The following CCPG1 variants were observed in gnomAD, a reference collection of about 807,000 sequenced individuals.
CCPG1 encodes the protein cell cycle progression 1.
CCPG1 carries 46 observed loss-of-function variants against 81.3 expected under a neutral mutation model. The ratio of observed to expected loss-of-function variants is 0.57; its 90% CI spans 0.45 to 0.72. The LOEUF (loss-of-function observed/expected upper bound fraction) is 0.72, where lower values mean the gene tolerates loss of function less well. Ranked by LOEUF, CCPG1 falls within the 30% of genes least tolerant of loss-of-function variation. CCPG1 has a pLI of 0.00. For missense variants in CCPG1, 902 were observed against 937.6 expected (o/e 0.96, Z 0.50); for synonymous variants, 330 against 305.2 (o/e 1.08, Z -0.85).
intron 1 of CCPG1, chr15:55,407,945 C>T (rs1185044382): frequency 1.3e-5 from 2 of 152,672 alleles, no homozygotes; most frequent in African/African-American, 4.8e-5. Flanking sequence ...ACCCTTGGCG[C>T]GCAGTTCGGT....
At position 55,371,996 on chromosome 15, in the gene CCPG1, C is replaced by A; in HGVS notation, c.503G>T (p.Ser168Ile). The A allele has an allele frequency of 1.2e-6, 2 of 1,614,052 alleles. No individual in the cohort carries two copies. The highest frequency in any genetic ancestry group is 1.7e-6 in the Non-Finnish European group (2 of 1,179,904). ...TCTAAAGGCAGGACTGGGCTGATTA[C>A]TGGTTTCATCACTACTTGATTCATC... ...SDDESSSDET[S>I]NQPSPAFRRR... is the part of the protein sequence containing the mutation. The change falls in exon 6 of 9, where the codon AGT (serine) becomes ATT (isoleucine). Residue 168 changes from serine (S) to isoleucine (I), a missense_variant. By Grantham distance (142) the Ser-to-Ile change is moderately radical (BLOSUM62 -2). Around this residue, in one of 3 missense-constraint regions of CCPG1, gnomAD observed 746 missense variants for 728.6 expected, o/e 1.02. Transcript: ENST00000442196.
At chr15:55,380,908 C>T (rs2056676009) in intron 3 of CCPG1, among the ~76,000 whole-genome samples, 3 of 151,810 alleles carry the variant, frequency 2.0e-5, no homozygotes, top group African/African-American at 7.3e-5. Context: ...GAGGCCAAGG[C>T]GGACAGACCA....
At chr15:55,357,238 A>T in intron 8 of CCPG1, 1 of 893,526 alleles carries the variant, frequency 1.1e-6, no homozygotes, top group Non-Finnish European at 1.3e-6. Flanking sequence ...CTACTATCCA[A>T]CAAGATGACC....
At chr15:55,378,210 G>A in intron 4 of CCPG1, 90 bp downstream of exon 4, 3 of 749,718 alleles carry the variant, frequency 4.0e-6, no homozygotes, top group Non-Finnish European at 6.4e-6. Context: ...TTCAAAATAG[G>A]AATAGAATGC....
chr15:55,404,524 T>C (rs2057180849), intron 1 of CCPG1, among the ~76,000 whole-genome samples: 1 of 152,210 alleles, frequency 6.6e-6, no homozygotes, highest in Admixed American at 6.6e-5. Context: ...AAAACATGGT[T>C]CTGAACGTGA....
At chr15:55,374,146 T>A in intron 5 of CCPG1, 2 of 1,285,602 alleles carry the variant, frequency 1.6e-6, no homozygotes, top group South Asian at 1.2e-5. Flanking sequence ...TCAGATTTAG[T>A]CACACCACCT....
At chr15:55,366,470 C>T (rs1041848252) in intron 6 of CCPG1, among the ~76,000 whole-genome samples, 2 of 151,948 alleles carry the variant, frequency 1.3e-5, no homozygotes, top group Admixed American at 6.6e-5. Flanking sequence ...TGTCCTTATC[C>T]CAACAGTGAT....
At chr15:55,400,147 T>C (rs565475947) in intron 1 of CCPG1, among the ~76,000 whole-genome samples, 1 of 133,218 alleles carries the variant, frequency 7.5e-6, no homozygotes, top group Non-Finnish European at 1.5e-5. Context: ...GAAGTGGAGG[T>C]TGCACTGAGC....
At position 55,359,829 on chromosome 15, in the gene CCPG1, C is replaced by T. The variant is rs1344936870; in HGVS notation, c.1944G>A (p.Val648=). ...TAAATTCATCCATCCTTATAGGATTCACCACTGTGTTAAAAAGGCTCATGG... is the reference window on the plus strand; with the variant it reads ...TAAATTCATCCATCCTTATAGGATTTACCACTGTGTTAAAAAGGCTCATGG... The part of the protein sequence containing the change: ...QESMSLFNTV[V]NPIRMDEFRQ... Residue 648 remains valine, a synonymous_variant, in exon 8 of 9, where the codon GTG becomes GTA. Coordinates refer to ENST00000442196, the MANE Select transcript of CCPG1 (RefSeq NM_001204450.2). The T allele has an allele frequency of 1.2e-6, 2 of 1,613,432 alleles. No homozygotes were observed. Among genetic ancestry groups the T allele is most frequent in the South Asian group, 1.1e-5 (1 of 91,032 alleles).
Position 55,372,340 on chromosome 15 carries a change from G to C in CCPG1, c.455-296C>G, listed in dbSNP as rs796163316. On this transcript the variant is annotated intron_variant, in intron 5 of 8. Coordinates refer to ENST00000442196, the MANE Select transcript of CCPG1 (RefSeq NM_001204450.2). ...CCTCGCCTTATAGTTTACACTCTTA[G>C]AACAATCCTTCATTCGCATAGCCTC... 29 of 360,460 alleles carry C rather than the reference G, an allele frequency of 8.0e-5. 1 individual carries two copies. Among genetic ancestry groups the C allele is most frequent in the African/African-American group, 5.7e-4 (27 of 47,526 alleles). The allele number at this position is 360,460 out of a possible 1,614,324, so 22.3% of individuals were successfully genotyped here. A position where few individuals can be genotyped will look rare whatever the true frequency, so the allele number is the denominator to read the frequency against.
Position 55,371,947 on chromosome 15 carries a change from G to T in CCPG1, c.552C>A (p.Thr184=), listed in dbSNP as rs772257527. ...AFRRRRARKK[T]VSASESEDRL... ...GGTCTTCAGATTCTGAAGCAGAAAC[G>T]GTCTTCTTCCTAGCACGGCGTCGTC... Residue 184 remains threonine (T), a synonymous_variant, in exon 6 of 9, where the codon ACC becomes ACA. Transcript: ENST00000442196. The T allele has an allele frequency of 3.7e-6, 6 of 1,614,154 alleles. No individual in the cohort carries two copies. The South Asian group carries it at 4.4e-5, about 12-fold the overall frequency.
intron 5 of CCPG1, chr15:55,374,308 G>GA (rs1004783308): frequency 4.9e-5 from 42 of 853,164 alleles, no homozygotes; most frequent in East Asian, 1.3e-4. Flanking sequence ...AGACTAAAAA[G>GA]AAAAAAAAGA....
chr15:55,392,374 G>A (rs555574729), intron 1 of CCPG1, among the ~76,000 whole-genome samples: 22 of 150,002 alleles, frequency 1.5e-4, no homozygotes, highest in African/African-American at 5.2e-4. Context: ...ACCATGCCCA[G>A]CTAATTTTTG....
intron 6 of CCPG1, among the ~76,000 whole-genome samples, chr15:55,367,142 T>A (rs1276304605): frequency 6.6e-6 from 1 of 152,208 alleles, no homozygotes; most frequent in Non-Finnish European, 1.5e-5. Context: ...GATTTCTCAA[T>A]TTATAGAAGC....
At chr15:55,361,111 T>C (rs1762620566) in intron 7 of CCPG1, among the ~76,000 whole-genome samples, 167 bp from the exon 8 acceptor site, 1 of 148,176 alleles carries the variant, frequency 6.7e-6, no homozygotes, top group Non-Finnish European at 1.5e-5. Flanking sequence ...ACAAGGTTCA[T>C]ATGCAAGAAA....
chr15:55,386,309 T>C (rs1172063857), intron 2 of CCPG1, among the ~76,000 whole-genome samples: 2 of 152,224 alleles, frequency 1.3e-5, no homozygotes, highest in African/African-American at 4.8e-5. Context: ...GCTAAAGCTT[T>C]AATGACATGG....
chr15:55,404,338 T>C (rs544610798), intron 1 of CCPG1, among the ~76,000 whole-genome samples: 1 of 151,944 alleles, frequency 6.6e-6, no homozygotes, highest in Non-Finnish European at 1.5e-5. Flanking sequence ...GGGCTGATAG[T>C]AGCCAAAAAA....
chr15:55,383,913 G>T (rs974238934), intron 3 of CCPG1, among the ~76,000 whole-genome samples: 6 of 152,120 alleles, frequency 3.9e-5, no homozygotes, highest in African/African-American at 9.7e-5. Context: ...AAGGCTATAT[G>T]GCTTCCTTAT....
intron 6 of CCPG1, among the ~76,000 whole-genome samples, chr15:55,369,813 T>C (rs988336319): frequency 1.3e-5 from 2 of 152,166 alleles, no homozygotes; most frequent in East Asian, 3.8e-4. Context: ...CTACAAAATA[T>C]TCAAAGGTCA....
Sources: gnomAD v4.1 joint callset for allele counts (sites outside exome capture counted in the v4.1 genomes callset) on GRCh38, gnomAD v4.1.1 for gene constraint, gnomAD v4.1.1 regional missense constraint, MANE v1.5 for transcripts, NCBI Gene and HGNC (gene_info 2026-07-23, HGNC 2026-07-21) for gene names.